The following ZNF385D variants were observed in gnomAD, a reference collection of about 807,000 sequenced individuals.
The protein encoded by ZNF385D is zinc finger protein 385D, also known as zinc finger protein 659.
In ZNF385D, 15 loss-of-function variants were observed where a neutral mutation model predicts 35.8. The observed-to-expected ratio is 0.42, with a 90% CI of 0.28 to 0.64. The LOEUF (loss-of-function observed/expected upper bound fraction) is 0.64. Ranked by LOEUF, ZNF385D falls within the 30% of genes least tolerant of loss-of-function variation. The pLI, the probability that ZNF385D is intolerant of heterozygous loss-of-function variation, is 0.23. For synonymous variants in ZNF385D, 212 were observed against 186.8 expected (o/e 1.13, Z -1.10); for missense variants, 474 against 494.6 (o/e 0.96, Z 0.39).
intron 2 of ZNF385D, among the ~76,000 whole-genome samples, chr3:21,602,517 C>CTTTTTTTTTTTTTTTTTTTTTGTTTTTTT (rs2064334446): frequency 1.6e-5 from 1 of 62,710 alleles, no homozygotes; most frequent in Non-Finnish European, 2.9e-5. Context: ...CCTGCATTTT[C>CTTTTTTTTTTTTTTTTTTTTTGTTTTTTT]TTTTTTTTTT....
intron 2 of ZNF385D, among the ~76,000 whole-genome samples, chr3:22,196,885 G>A (rs1240873424): frequency 1.3e-5 from 2 of 151,842 alleles, no homozygotes; most frequent in African/African-American, 4.8e-5. Flanking sequence ...AATATTTATT[G>A]AGCATGGGTC....
rs140166090 is a variant in ZNF385D at position 21,564,454 on chromosome 3, C to A, written c.276+120G>T. On this transcript the variant is annotated intron_variant, in intron 3 of 7. Coordinates refer to ENST00000281523, the MANE Select transcript of ZNF385D (RefSeq NM_024697.3). ...AGCACATAGTGAGTTAAAATGTTAT[C>A]TTTGAATTTTGACATGCTCAGTTAC... The A allele has an allele frequency of 7.6e-4, 402 of 531,274 alleles. 1 individual carries two copies. Among genetic ancestry groups the A allele is most frequent in the African/African-American group, 7.4e-3 (376 of 51,078 alleles). 32.9% of individuals were successfully genotyped at this position (531,274 alleles called of 1,614,324 possible). A position where few individuals can be genotyped will look rare whatever the true frequency, so the allele number is the denominator to read the frequency against.
At chr3:22,157,275 C>T (rs547794774) in intron 3 of ZNF385D, among the ~76,000 whole-genome samples, 5 of 152,184 alleles carry the variant, frequency 3.3e-5, no homozygotes, top group East Asian at 1.9e-4. Flanking sequence ...AAGAGAATCA[C>T]ATTAATTATA....
intron 3 of ZNF385D, among the ~76,000 whole-genome samples, chr3:21,852,100 T>C (rs1335452224): frequency 6.6e-6 from 1 of 152,050 alleles, no homozygotes; most frequent in African/African-American, 2.4e-5. Context: ...ATTTTCTGAA[T>C]GGATGAGTGA....
intron 3 of ZNF385D, among the ~76,000 whole-genome samples, chr3:21,904,954 GAAAGA>G (rs1173851251): frequency 2.0e-5 from 3 of 151,668 alleles, no homozygotes; most frequent in Non-Finnish European, 4.4e-5. Context: ...GAAAGTACAA[GAAAGA>G]AAAAAGAATA....
chr3:21,955,850 A>G (rs1313681970), intron 3 of ZNF385D, among the ~76,000 whole-genome samples: 1 of 152,106 alleles, frequency 6.6e-6, no homozygotes, highest in Non-Finnish European at 1.5e-5. Flanking sequence ...TCATAATTCA[A>G]AGGAGGGAAT....
chr3:22,230,834 T>C (rs1374366934), intron 2 of ZNF385D, among the ~76,000 whole-genome samples: 1 of 152,128 alleles, frequency 6.6e-6, no homozygotes, highest in Non-Finnish European at 1.5e-5. Context: ...CTGCTTGCAG[T>C]GCCATGGAAA....
At position 22,302,291 on chromosome 3, in the gene ZNF385D, T is replaced by C. The variant is rs147820739; in HGVS notation, c.106+70159A>G. 7.1e-3 allele frequency among the ~76,000 whole-genome samples: 1,087 copies of C among 152,148 alleles called. 9 individuals are homozygous for C. The highest frequency in any genetic ancestry group is 0.024 in the African/African-American group (1,007 of 41,554). On this transcript the variant is annotated intron_variant, in intron 2 of 5. Coordinates refer to the ZNF385D transcript ENST00000494108. ...TCATCAACACTTAGTATTTCCACAG[T>C]ATTAAATTTTTTATTTCCAATTTCT...
chr3:21,904,158 G>T (rs1160404542), intron 3 of ZNF385D, among the ~76,000 whole-genome samples: 1 of 151,882 alleles, frequency 6.6e-6, no homozygotes, highest in Non-Finnish European at 1.5e-5. Flanking sequence ...ACAAAAATTA[G>T]CTGGGTGTGG....
chr3:21,572,431 T>C (rs972599058), intron 2 of ZNF385D, among the ~76,000 whole-genome samples: 2 of 152,186 alleles, frequency 1.3e-5, no homozygotes, highest in African/African-American at 4.8e-5. Flanking sequence ...TAAATGATTG[T>C]ATTGATGGGG....
intron 2 of ZNF385D, among the ~76,000 whole-genome samples, chr3:22,277,251 G>A (rs1038935950): frequency 6.6e-6 from 1 of 152,114 alleles, no homozygotes; most frequent in Non-Finnish European, 1.5e-5. Flanking sequence ...AAAGCCAGAG[G>A]AGAGTCAGAA....
intron 3 of ZNF385D, among the ~76,000 whole-genome samples, chr3:22,001,849 C>G (rs1430457668): frequency 6.6e-6 from 1 of 151,708 alleles, no homozygotes; most frequent in Non-Finnish European, 1.5e-5. Flanking sequence ...TGAATGACTA[C>G]TGTATCAAAA....
chr3:22,234,299 T>C (rs1699055810), intron 2 of ZNF385D, among the ~76,000 whole-genome samples: 3 of 152,118 alleles, frequency 2.0e-5, no homozygotes, highest in Admixed American at 6.6e-5. Context: ...AAATGCAATG[T>C]GGTGATTGCT....
At chr3:21,510,454 C>G (rs576934986) in intron 4 of ZNF385D, among the ~76,000 whole-genome samples, 2 of 152,188 alleles carry the variant, frequency 1.3e-5, no homozygotes, top group Admixed American at 1.3e-4. Context: ...CTTATTGGGG[C>G]CTTCTCAATT....
intron 3 of ZNF385D, among the ~76,000 whole-genome samples, chr3:21,963,361 G>A (rs914517135): frequency 6.6e-6 from 1 of 152,146 alleles, no homozygotes; most frequent in Non-Finnish European, 1.5e-5. Flanking sequence ...TTTTCAGATT[G>A]TGATCAACTC....
At chr3:22,227,454 A>G (rs147426100) in intron 2 of ZNF385D, among the ~76,000 whole-genome samples, 1 of 152,340 alleles carries the variant, frequency 6.6e-6, no homozygotes, top group East Asian at 1.9e-4. Context: ...GAATCTGAAC[A>G]GACATGCCTT....
intron 2 of ZNF385D, among the ~76,000 whole-genome samples, chr3:22,365,441 A>G (rs1696611909): frequency 6.6e-6 from 1 of 152,138 alleles, no homozygotes; most frequent in African/African-American, 2.4e-5. Context: ...TGATATTTCT[A>G]TGTAATTACA....
intron 3 of ZNF385D, among the ~76,000 whole-genome samples, chr3:21,876,750 GTACAAA>G (rs2125856211): frequency 6.6e-6 from 1 of 151,448 alleles, no homozygotes; most frequent in African/African-American, 2.4e-5. Flanking sequence ...CTGTTTTGTA[GTACAAA>G]ATCTTTGAAA....
chr3:21,474,095 C>G (rs1340040692), intron 4 of ZNF385D, among the ~76,000 whole-genome samples: 1 of 134,126 alleles, frequency 7.5e-6, no homozygotes, highest in Non-Finnish European at 1.6e-5. Flanking sequence ...ATACCTAGTA[C>G]CTTCGAGAAC....
Sources: gnomAD v4.1 joint callset for allele counts (sites outside exome capture counted in the v4.1 genomes callset) on GRCh38, gnomAD v4.1.1 for gene constraint, MANE v1.5 for transcripts, NCBI Gene and HGNC (gene_info 2026-07-23, HGNC 2026-07-21) for gene names.